Variants in KCNN2 observed in about 807,000 individuals in gnomAD.
KCNN2 encodes the protein potassium calcium-activated channel subfamily N member 2, also known as small conductance calcium-activated potassium channel protein 2.
A neutral mutation model predicts 55.5 loss-of-function variants in KCNN2; 24 were observed. The observed-to-expected ratio is 0.43, with a 90% confidence interval of 0.31 to 0.61. The LOEUF (loss-of-function observed/expected upper bound fraction) is 0.61, where lower values mean the gene tolerates loss of function less well. KCNN2 is among the 20% of genes least tolerant of loss of function. The pLI is 0.08. For missense variants in KCNN2, 754 were observed against 853.6 expected (o/e 0.88, Z 1.45); for synonymous variants, 431 against 336.1 (o/e 1.28, Z -3.09).
At chr5:114,393,462 G>A (rs1346435737) in intron 2 of KCNN2, among the ~76,000 whole-genome samples, 1 of 151,902 alleles carries the variant, frequency 6.6e-6, no homozygotes, top group Non-Finnish European at 1.5e-5. Flanking sequence ...CTGTTTGTTA[G>A]GATTTATTTG....
At chr5:114,062,394 A>G (rs1750351597) in intron 1 of KCNN2, among the ~76,000 whole-genome samples, 1 of 152,212 alleles carries the variant, frequency 6.6e-6, no homozygotes. Context: ...CAGACCTGTT[A>G]CCACAATAAC....
intron 2 of KCNN2, among the ~76,000 whole-genome samples, chr5:114,256,895 T>C (rs1163428827): frequency 6.6e-6 from 1 of 152,196 alleles, no homozygotes; most frequent in African/African-American, 2.4e-5. Context: ...TTTTTGGTTT[T>C]GTTGCATTTG....
At chr5:114,187,772 C>G (rs147809265) in intron 1 of KCNN2, among the ~76,000 whole-genome samples, 3,761 of 151,540 alleles carry the variant, frequency 0.025, 147 homozygotes, top group African/African-American at 0.086. Context: ...TCCCAAAGTG[C>G]TAGGTTGACA....
At chr5:114,189,293 C>A (rs959359353) in intron 1 of KCNN2, among the ~76,000 whole-genome samples, 2 of 152,026 alleles carry the variant, frequency 1.3e-5, no homozygotes, top group African/African-American at 2.4e-5. Flanking sequence ...TGTACAAAGG[C>A]CTGAGAACAA....
chr5:114,480,951 A>C (rs1235814657), intron 5 of KCNN2, among the ~76,000 whole-genome samples: 6 of 152,204 alleles, frequency 3.9e-5, no homozygotes, highest in African/African-American at 1.4e-4. Context: ...GAAAACCAGC[A>C]CAAGATAAGG....
intron 3 of KCNN2, among the ~76,000 whole-genome samples, chr5:114,447,127 C>T (rs759534430): frequency 6.6e-6 from 1 of 152,116 alleles, no homozygotes; most frequent in African/African-American, 2.4e-5. Context: ...GCTTCCAGGT[C>T]AGATATTTCC....
At chr5:114,266,416 A>C (rs1561546473) in intron 2 of KCNN2, among the ~76,000 whole-genome samples, 1 of 152,178 alleles carries the variant, frequency 6.6e-6, no homozygotes, top group Non-Finnish European at 1.5e-5. Context: ...ATATAACACC[A>C]GGAAAGTCTG....
At chr5:114,325,062 C>T (rs1370424830) in intron 2 of KCNN2, among the ~76,000 whole-genome samples, 1 of 152,122 alleles carries the variant, frequency 6.6e-6, no homozygotes, top group Non-Finnish European at 1.5e-5. Flanking sequence ...TATATAGTGT[C>T]AGAAAACTAA....
chr5:114,356,378 T>C (rs187942029), intron 2 of KCNN2, among the ~76,000 whole-genome samples: 165 of 152,302 alleles, frequency 1.1e-3, no homozygotes, highest in African/African-American at 3.8e-3. Flanking sequence ...GATTTGGGTG[T>C]TGTGTTTCTA....
intron 3 of KCNN2, among the ~76,000 whole-genome samples, chr5:114,452,096 G>C (rs1760718674): frequency 6.6e-6 from 1 of 152,118 alleles, no homozygotes; most frequent in Non-Finnish European, 1.5e-5. Context: ...AAAAATAGGA[G>C]TGCAAGGAGG....
At chr5:114,067,428 A>G (rs1750475311) in intron 1 of KCNN2, among the ~76,000 whole-genome samples, 1 of 152,218 alleles carries the variant, frequency 6.6e-6, no homozygotes, top group South Asian at 2.1e-4. Context: ...AGTATGAGAT[A>G]ATTCCTTTAA....
intron 2 of KCNN2, among the ~76,000 whole-genome samples, chr5:114,246,710 C>T (rs956951990): frequency 1.1e-4 from 16 of 151,944 alleles, no homozygotes; most frequent in African/African-American, 3.9e-4. Context: ...AAATGAATAA[C>T]ACAATATTCA....
intron 2 of KCNN2, among the ~76,000 whole-genome samples, chr5:114,370,460 TAAAC>T (rs1254606396): frequency 3.3e-5 from 5 of 152,018 alleles, no homozygotes; most frequent in Admixed American, 6.6e-5. Flanking sequence ...AAATTAATAA[TAAAC>T]AAAATTTTTG....
intron 2 of KCNN2, among the ~76,000 whole-genome samples, chr5:114,279,760 ATGTG>A (rs1755581623): frequency 6.6e-6 from 1 of 150,448 alleles, no homozygotes; most frequent in South Asian, 2.1e-4. Flanking sequence ...CAATAAACAT[ATGTG>A]TGCGTGTGTC....
At chr5:114,402,830 G>A (rs905415132) in intron 2 of KCNN2, among the ~76,000 whole-genome samples, 2 of 152,186 alleles carry the variant, frequency 1.3e-5, no homozygotes, top group African/African-American at 4.8e-5. Context: ...GAGTTTACCT[G>A]GACAGGATCA....
chr5:114,303,654 C>G (rs1224681952), intron 2 of KCNN2, among the ~76,000 whole-genome samples: 1 of 152,146 alleles, frequency 6.6e-6, no homozygotes, highest in African/African-American at 2.4e-5. Context: ...TACATAAAAA[C>G]TCATTGCAGT....
intron 1 of KCNN2, among the ~76,000 whole-genome samples, chr5:114,100,211 C>G (rs1751345548): frequency 6.6e-6 from 1 of 151,484 alleles, no homozygotes; most frequent in African/African-American, 2.4e-5. Context: ...AAGGAAAACC[C>G]CCAAGATTAA....
intron 2 of KCNN2, among the ~76,000 whole-genome samples, chr5:114,307,487 CCTTA>C (rs1465944569): frequency 6.6e-6 from 1 of 152,174 alleles, no homozygotes; most frequent in African/African-American, 2.4e-5. Context: ...ATGCCACCCA[CCTTA>C]CTTTTGCCAT....
chr5:114,357,913 C>G (rs575856097), upstream of KCNN2, among the ~76,000 whole-genome samples: 12 of 151,186 alleles, frequency 7.9e-5, no homozygotes, highest in African/African-American at 2.9e-4. Flanking sequence ...TACAGTCCCA[C>G]CAACAGTGTA....
Sources: allele counts gnomAD v4.1 joint callset (sites outside exome capture counted in the v4.1 genomes callset), GRCh38; gene constraint gnomAD v4.1.1; transcripts MANE v1.5; gene names NCBI Gene and HGNC (gene_info 2026-07-23, HGNC 2026-07-21).